The following LINGO2 variants were observed in gnomAD, a reference collection of about 807,000 sequenced individuals.
The protein encoded by LINGO2 is leucine-rich repeat and immunoglobulin-like domain-containing nogo receptor-interacting protein 2.
In LINGO2, 14 loss-of-function variants were observed where a neutral mutation model predicts 30.6. The ratio of observed to expected loss-of-function variants is 0.46; its 90% CI spans 0.30 to 0.72. The LOEUF is 0.72. Ranked by LOEUF, LINGO2 falls within the 30% of genes least tolerant of loss-of-function variation. The probability of loss-of-function intolerance (pLI) is 0.07; values close to 1 mark genes in which losing one functional copy is unlikely to be tolerated. For synonymous variants in LINGO2, 317 were observed against 288.5 expected (o/e 1.10, Z -1.00); for missense variants, 729 against 751.7 (o/e 0.97, Z 0.35).
intron 4 of LINGO2, among the ~76,000 whole-genome samples, chr9:28,107,121 T>G (rs2133341920): frequency 6.6e-6 from 1 of 152,278 alleles, no homozygotes; most frequent in East Asian, 1.9e-4. Context: ...CAATGCTGCC[T>G]TCTATTATAC....
intron 4 of LINGO2, among the ~76,000 whole-genome samples, chr9:28,170,999 T>G (rs558748073): frequency 6.6e-5 from 10 of 152,346 alleles, no homozygotes; most frequent in African/African-American, 2.4e-4. Context: ...CACAGATGGT[T>G]ATGGGCACCA....
intron 3 of LINGO2, among the ~76,000 whole-genome samples, chr9:28,360,535 G>A (rs1820400235): frequency 6.6e-6 from 1 of 152,038 alleles, no homozygotes; most frequent in Admixed American, 6.6e-5. Flanking sequence ...ACTCCTTTCT[G>A]CATGATCTTA....
chr9:28,055,090 AAACCGGAG>A (rs2133087139), intron 4 of LINGO2, among the ~76,000 whole-genome samples: 1 of 152,282 alleles, frequency 6.6e-6, no homozygotes, highest in East Asian at 1.9e-4. Context: ...AAATTTCCAA[AAACCGGAG>A]AATGCTTTAC....
chr9:28,771,319 G>T, the LINGO2 span, among the ~76,000 whole-genome samples: 1 of 151,238 alleles, frequency 6.6e-6, no homozygotes, highest in Non-Finnish European at 1.5e-5. Flanking sequence ...GCTGCTAAAA[G>T]ATCTTGCAAC....
chr9:28,467,822 C>T (rs965016299), intron 2 of LINGO2, among the ~76,000 whole-genome samples: 2 of 151,974 alleles, frequency 1.3e-5, no homozygotes, highest in African/African-American at 4.8e-5. Context: ...TAGGAAATAA[C>T]ATAATACAAC....
At chr9:28,414,399 C>A (rs1822890714) in intron 2 of LINGO2, among the ~76,000 whole-genome samples, 1 of 151,892 alleles carries the variant, frequency 6.6e-6, no homozygotes, top group African/African-American at 2.4e-5. Flanking sequence ...AATGGATAAA[C>A]AAATTTTAAC....
At chr9:28,818,946 T>C in the LINGO2 span, among the ~76,000 whole-genome samples, 25 of 152,326 alleles carry the variant, frequency 1.6e-4, no homozygotes, top group African/African-American at 6.0e-4. Flanking sequence ...ACATTAAATC[T>C]TTAACCATTC....
chr9:28,347,402 T>A (rs575913110), intron 3 of LINGO2, among the ~76,000 whole-genome samples: 1 of 148,346 alleles, frequency 6.7e-6, no homozygotes, highest in African/African-American at 2.5e-5. Context: ...TATATATACA[T>A]ACACATTGAA....
In LINGO2 at chr9:28,075,284, A is replaced by G. The variant is rs989663629; in HGVS notation, c.-86-62879T>C. Among the ~76,000 whole-genome samples, 6 of 152,196 alleles carry G rather than the reference A, an allele frequency of 3.9e-5. No homozygotes were observed. In the East Asian group the frequency reaches 7.7e-4, roughly 20 times the overall value. On this transcript the variant is annotated intron_variant, in intron 4 of 5. Coordinates refer to ENST00000379992, the Ensembl canonical transcript of LINGO2. ...TACTGTTTATTAGATTCATGCTGATATAAGTAGCTTATTCATTCCTTTTAT... is the reference window on the plus strand; with the variant it reads ...TACTGTTTATTAGATTCATGCTGATGTAAGTAGCTTATTCATTCCTTTTAT...
chr9:29,063,646 T>C, the LINGO2 span, among the ~76,000 whole-genome samples: 1 of 152,022 alleles, frequency 6.6e-6, no homozygotes, highest in African/African-American at 2.4e-5. Context: ...GTAATCTGCC[T>C]GCCTCCACCT....
the LINGO2 span, among the ~76,000 whole-genome samples, chr9:28,746,988 T>G: frequency 3.3e-5 from 5 of 152,124 alleles, no homozygotes; most frequent in East Asian, 7.7e-4. Context: ...ACAGAAATAC[T>G]GGGTAGAAAG....
intron 1 of LINGO2, among the ~76,000 whole-genome samples, chr9:28,558,715 C>A (rs1213603183): frequency 6.6e-6 from 1 of 151,942 alleles, no homozygotes; most frequent in Non-Finnish European, 1.5e-5. Context: ...ACTTTCTGCA[C>A]TGTCATTTTA....
intron 1 of LINGO2, among the ~76,000 whole-genome samples, chr9:28,597,095 G>A (rs1825220995): frequency 6.6e-6 from 1 of 152,076 alleles, no homozygotes; most frequent in African/African-American, 2.4e-5. Context: ...ATTCTTCACG[G>A]GGTTGAATTT....
At chr9:28,666,538 G>A (rs73445594) in intron 1 of LINGO2, among the ~76,000 whole-genome samples, 154 of 152,196 alleles carry the variant, frequency 1.0e-3, no homozygotes, top group African/African-American at 3.3e-3. Context: ...CTAAATAATT[G>A]TTAGGCTCTA....
At chr9:28,068,351 C>T (rs1283508701) in intron 4 of LINGO2, among the ~76,000 whole-genome samples, 2 of 152,054 alleles carry the variant, frequency 1.3e-5, no homozygotes, top group Non-Finnish European at 2.9e-5. Context: ...CTCACAATGC[C>T]TCTTCTTTGT....
chr9:28,205,579 C>T (rs1820381110), intron 4 of LINGO2, among the ~76,000 whole-genome samples: 1 of 152,152 alleles, frequency 6.6e-6, no homozygotes, highest in Non-Finnish European at 1.5e-5. Context: ...TTGAATATCA[C>T]ATTTTAGGCA....
At chr9:28,991,336 A>C in the LINGO2 span, among the ~76,000 whole-genome samples, 2 of 151,350 alleles carry the variant, frequency 1.3e-5, no homozygotes, top group Non-Finnish European at 2.9e-5. Context: ...AAAGAAACGA[A>C]CAAAGCCTCC....
intron 1 of LINGO2, among the ~76,000 whole-genome samples, chr9:28,587,966 A>G (rs1313640454): frequency 6.6e-6 from 1 of 152,028 alleles, no homozygotes; most frequent in Non-Finnish European, 1.5e-5. Context: ...TGTAGTAGGC[A>G]CTGGGCTGGC....
chr9:29,122,409 G>A, the LINGO2 span, among the ~76,000 whole-genome samples: 3 of 151,940 alleles, frequency 2.0e-5, no homozygotes, highest in Non-Finnish European at 1.5e-5. Flanking sequence ...TTCAGTTAAG[G>A]CTTAGGCTCC....
Sources: gnomAD v4.1 joint callset for allele counts (sites outside exome capture counted in the v4.1 genomes callset) on GRCh38, gnomAD v4.1.1 for gene constraint, MANE v1.5 for transcripts, NCBI Gene and HGNC (gene_info 2026-07-23, HGNC 2026-07-21) for gene names.